OSBP2: variants seen among roughly 807,000 people sequenced by gnomAD.
OSBP2 encodes the protein oxysterol binding protein 2.
Under a neutral mutation model 96.0 loss-of-function variants are expected in OSBP2, and 66 were observed. That is an observed-to-expected ratio of 0.69 (90% CI 0.56 to 0.84). OSBP2 has a LOEUF of 0.84. Among genes scored for constraint, OSBP2 ranks in the 40% least tolerant of loss-of-function variants. OSBP2 has a pLI of 0.00. For missense variants in OSBP2, 1,038 were observed against 1,222.7 expected (o/e 0.85, Z 2.25); for synonymous variants, 525 against 520.9 (o/e 1.01, Z -0.11).
At chr22:30,876,270 C>T (rs1335267767) in intron 3 of OSBP2, among the ~76,000 whole-genome samples, 2 of 152,230 alleles carry the variant, frequency 1.3e-5, no homozygotes, top group Non-Finnish European at 2.9e-5. Context: ...GGCTCTGAAG[C>T]CCCCCTCCTC....
intron 2 of OSBP2, among the ~76,000 whole-genome samples, chr22:30,790,653 T>TAAAAAAA (rs136297): frequency 7.3e-6 from 1 of 136,972 alleles, no homozygotes. Flanking sequence ...CAAACTGCAT[T>TAAAAAAA]AAAAAAAAAA....
At chr22:30,849,998 C>CT (rs2038946874) in intron 2 of OSBP2, among the ~76,000 whole-genome samples, 1 of 151,960 alleles carries the variant, frequency 6.6e-6, no homozygotes, top group African/African-American at 2.4e-5. Context: ...ACCTTGACAG[C>CT]TTTATTGAAA....
intron 2 of OSBP2, among the ~76,000 whole-genome samples, chr22:30,823,341 C>G (rs1225754875): frequency 6.6e-6 from 1 of 152,222 alleles, no homozygotes; most frequent in Non-Finnish European, 1.5e-5. Context: ...CCTGCAATTC[C>G]TGATGCTTGA....
chr22:30,893,613 G>GCTGACCA, intron 10 of OSBP2, 25 bp from the exon 11 acceptor site: 1 of 1,612,864 alleles, frequency 6.2e-7, no homozygotes, highest in Non-Finnish European at 8.5e-7. Flanking sequence ...GGGGCTGGCC[G>GCTGACCA]CTGACCACTG....
intron 2 of OSBP2, among the ~76,000 whole-genome samples, chr22:30,851,484 C>T (rs2147060733): frequency 6.6e-6 from 1 of 152,256 alleles, no homozygotes; most frequent in Non-Finnish European, 1.5e-5. Context: ...TGTGGCTTTT[C>T]TTTAGATTCT....
At chr22:30,858,985 C>T (rs2039149733) in intron 2 of OSBP2, among the ~76,000 whole-genome samples, 1 of 151,946 alleles carries the variant, frequency 6.6e-6, no homozygotes, top group East Asian at 1.9e-4. Flanking sequence ...ACCTCCCACG[C>T]ACCCAGCTCC....
At chr22:30,777,619 A>T (rs1306797759) in intron 2 of OSBP2, among the ~76,000 whole-genome samples, 2 of 152,206 alleles carry the variant, frequency 1.3e-5, no homozygotes, top group Non-Finnish European at 2.9e-5. Context: ...GTCACACTGG[A>T]CTGAGGGTCT....
intron 1 of OSBP2, among the ~76,000 whole-genome samples, chr22:30,735,065 G>T (rs2089829327): frequency 6.6e-6 from 1 of 152,160 alleles, no homozygotes; most frequent in South Asian, 2.1e-4. Context: ...GGTGGCACAT[G>T]CCTATGGTCC....
chr22:30,834,474 A>C (rs909048989), intron 2 of OSBP2, among the ~76,000 whole-genome samples: 1 of 152,222 alleles, frequency 6.6e-6, no homozygotes, highest in African/African-American at 2.4e-5. Context: ...TTAGGATTCC[A>C]GTTCCTCTAA....
intron 1 of OSBP2, among the ~76,000 whole-genome samples, chr22:30,738,568 T>C (rs2089888995): frequency 6.6e-6 from 1 of 151,978 alleles, no homozygotes; most frequent in Non-Finnish European, 1.5e-5. Flanking sequence ...GTCTTTTTTT[T>C]TTTTTCTTTG....
Position 30,890,457 on chromosome 22 carries a change from G to A in OSBP2, c.1624-271G>A, listed in dbSNP as rs568898063. On this transcript the variant is annotated intron_variant, in intron 7 of 13. Transcript: ENST00000332585. This position sits in a 1 kb window ranked among gnomAD's most constrained non-coding sequence, Gnocchi z 4.4. The stretch of plus-strand genomic sequence containing the variant: ...GGCAGAACCCCTGGCCTTGGTGGGT[G>A]TCCATCCGAGCAGAGGAGAGCAACA... 6.6e-6 allele frequency among the ~76,000 whole-genome samples: 1 copy of A among 152,216 alleles called. No homozygotes were observed. The highest frequency in any genetic ancestry group is 2.4e-5 in the African/African-American group (1 of 41,462).
chr22:30,890,975 T>C lies in OSBP2; in HGVS notation c.1869+2T>C. On this transcript the variant is annotated splice_donor_variant, in intron 8 of 13. Coordinates refer to ENST00000332585, the MANE Select transcript of OSBP2 (RefSeq NM_030758.4). LOFTEE classifies it high-confidence loss of function. The surrounding 1 kb of genome is among the most constrained non-coding windows in gnomAD (Gnocchi z 4.4). ...GGCCTGCGCTCCCTCTGTGAGCAGG[T>C]GAGGGGGCTAGGCTGGCACTGGGTG... 6.2e-7 allele frequency: 1 copy of C among 1,604,970 alleles called. No homozygotes were observed. Among genetic ancestry groups the C allele is most frequent in the Non-Finnish European group, 8.5e-7 (1 of 1,179,534 alleles).
At chr22:30,708,335 T>C (rs911233658) in intron 1 of OSBP2, among the ~76,000 whole-genome samples, 1 of 152,140 alleles carries the variant, frequency 6.6e-6, no homozygotes, top group Non-Finnish European at 1.5e-5. Context: ...TGAAACCCCA[T>C]GTACCCATTA....
At chr22:30,764,415 C>T (rs1165899495) in intron 2 of OSBP2, 1 of 984,302 alleles carries the variant, frequency 1.0e-6, no homozygotes, top group Non-Finnish European at 1.2e-6. Flanking sequence ...AGAATTTCCT[C>T]CTGTTCCTGT....
At chr22:30,868,301 G>A (rs2039387155) in intron 2 of OSBP2, among the ~76,000 whole-genome samples, 1 of 152,234 alleles carries the variant, frequency 6.6e-6, no homozygotes, top group African/African-American at 2.4e-5. Context: ...CTCAGAACCT[G>A]CATTTTCTTG....
chr22:30,879,595 T>G (rs1203292963), intron 3 of OSBP2, among the ~76,000 whole-genome samples: 1 of 152,158 alleles, frequency 6.6e-6, no homozygotes, highest in Non-Finnish European at 1.5e-5. Context: ...AGACACAGCA[T>G]GACAGCTTGG....
At chr22:30,872,673 C>T in intron 3 of OSBP2, 1 of 348,762 alleles carries the variant, frequency 2.9e-6, no homozygotes, top group Non-Finnish European at 5.6e-6. Context: ...AGGGCCCCTC[C>T]CCAAGCTCCT....
chr22:30,758,615 T>A (rs1303786526), intron 2 of OSBP2, among the ~76,000 whole-genome samples: 1 of 152,008 alleles, frequency 6.6e-6, no homozygotes, highest in Admixed American at 6.5e-5. Context: ...GGAGAAGCCC[T>A]CTAGTTCAGG....
intron 12 of OSBP2, among the ~76,000 whole-genome samples, chr22:30,896,102 C>G (rs1165800133): frequency 6.6e-6 from 1 of 151,840 alleles, no homozygotes; most frequent in African/African-American, 2.4e-5. Flanking sequence ...TCACTGCAAC[C>G]TCTGCCTCCC....
Sources: gnomAD v4.1 joint callset for allele counts (sites outside exome capture counted in the v4.1 genomes callset) on GRCh38, gnomAD v4.1.1 for gene constraint, Gnocchi (gnomAD v3.1) non-coding constraint, MANE v1.5 for transcripts, NCBI Gene and HGNC (gene_info 2026-07-23, HGNC 2026-07-21) for gene names.